The following PER2 variants were observed in gnomAD, a reference collection of about 807,000 sequenced individuals.
PER2 encodes period circadian protein homolog 2.
A neutral mutation model predicts 121.0 loss-of-function variants in PER2; 66 were observed. That is an observed-to-expected ratio of 0.55 (90% CI 0.45 to 0.67). PER2 has a LOEUF of 0.67. PER2 is among the 30% of genes least tolerant of loss of function. The pLI, the probability that PER2 is intolerant of heterozygous loss-of-function variation, is 0.00. For synonymous variants in PER2, 684 were observed against 659.9 expected (o/e 1.04, Z -0.56); for missense variants, 1,521 against 1,635.0 (o/e 0.93, Z 1.20).
At chr2:238,256,845 A>C in intron 17 of PER2, 77 bp downstream of exon 17, 4 of 1,477,070 alleles carry the variant, frequency 2.7e-6, no homozygotes, top group Non-Finnish European at 3.7e-6. Context: ...GCACTTAGAA[A>C]AATTTAAGAT....
rs867333328 is a variant in PER2, at chr2:238,252,517, G to A, written c.3111+395C>T. On this transcript the variant is annotated intron_variant, in intron 19 of 22. Coordinates refer to ENST00000254657, the MANE Select transcript of PER2 (RefSeq NM_022817.3). The surrounding 1 kb of genome is among the most constrained non-coding windows in gnomAD (Gnocchi z 4.2). ...TAGGGCTGTGTCCCCCTCCTTCTCC[G>A]CCTTCACCGGGGCCACCTGAGCCAG... is the stretch of plus-strand genomic sequence containing the variant. Among the ~76,000 whole-genome samples, 4 of 152,188 alleles carry A rather than the reference G, an allele frequency of 2.6e-5. No individual in the cohort carries two copies. The highest frequency in any genetic ancestry group is 2.1e-4 in the South Asian group (1 of 4,824).
chr2:238,282,949 A>T (rs1038213172), intron 1 of PER2, among the ~76,000 whole-genome samples: 1 of 151,940 alleles, frequency 6.6e-6, no homozygotes, highest in Admixed American at 6.6e-5. Flanking sequence ...GCTTGCAGCC[A>T]CGTGCTTCAG....
chr2:238,253,821 C>A lies in PER2; in HGVS notation c.2321-119G>T, dbSNP rs773132287. ...CCCAGGGCCTGCCTGGTCCACCGAGCGGTTTTCCCTGATCCTCAGTGAAGT... is the reference window on the plus strand; with the variant it reads ...CCCAGGGCCTGCCTGGTCCACCGAGAGGTTTTCCCTGATCCTCAGTGAAGT... On this transcript the variant is annotated intron_variant, in intron 18 of 22. Transcript: ENST00000254657. The surrounding 1 kb of genome is among the most constrained non-coding windows in gnomAD (Gnocchi z 5.6). The A allele has an allele frequency of 1.3e-6, 1 of 783,248 alleles. No homozygotes were observed. Among genetic ancestry groups the A allele is most frequent in the African/African-American group, 1.7e-5 (1 of 58,174 alleles). 48.5% of individuals were successfully genotyped at this position (783,248 alleles called of 1,614,324 possible). A position where few individuals can be genotyped will look rare whatever the true frequency, so the allele number is the denominator to read the frequency against.
chr2:238,266,457 A>C (rs957226051), intron 8 of PER2, among the ~76,000 whole-genome samples: 4 of 152,146 alleles, frequency 2.6e-5, no homozygotes, highest in Admixed American at 1.3e-4. Flanking sequence ...ACTATACTGG[A>C]GAACTTCACA....
Position 238,268,832 on chromosome 2 carries a change from G to T in PER2, c.824+91C>A. 1.1e-6 allele frequency: 1 copy of T among 922,178 alleles called. No individual in the cohort carries two copies. The highest frequency in any genetic ancestry group is 1.8e-6 in the Non-Finnish European group (1 of 553,092). The allele number at this position is 922,178 out of a possible 1,614,324, so 57.1% of individuals were successfully genotyped here. On this transcript the variant is annotated intron_variant, in intron 7 of 22. Coordinates refer to ENST00000254657, the MANE Select transcript of PER2 (RefSeq NM_022817.3). This position sits in a 1 kb window ranked among gnomAD's most constrained non-coding sequence, Gnocchi z 4.0. The stretch of plus-strand genomic sequence containing the variant: ...CAGGCGTGCTGAGTCCCTGCAGGCA[G>T]GGATCACGCCCCCCAGCCTCAAGCG...
chr2:238,283,697 G>A (rs1194576293), intron 1 of PER2, among the ~76,000 whole-genome samples: 1 of 152,222 alleles, frequency 6.6e-6, no homozygotes, highest in Non-Finnish European at 1.5e-5. Context: ...CTTCAATGGA[G>A]TTGCAGGGTT....
chr2:238,278,086 GTCTC>G (rs778225399), intron 1 of PER2, 131 bp from the exon 2 acceptor site: 61 of 935,818 alleles, frequency 6.5e-5, no homozygotes, highest in Non-Finnish European at 8.1e-5. Flanking sequence ...TCTTCTCTCT[GTCTC>G]TCTCTCTCTC....
chr2:238,267,543 G>A (rs956843492), intron 8 of PER2, among the ~76,000 whole-genome samples: 2 of 152,200 alleles, frequency 1.3e-5, no homozygotes, highest in South Asian at 4.1e-4. Context: ...GTCTGTCTGA[G>A]AGGAAGGGAA....
rs1314608723 is a variant in PER2 at position 238,251,862 on chromosome 2, G to C, written c.3112-101C>G. 4 of 888,202 alleles carry C rather than the reference G, an allele frequency of 4.5e-6. No individual in the cohort carries two copies. In the African/African-American group the frequency reaches 6.5e-5, roughly 14 times the overall value. 55.0% of individuals were successfully genotyped at this position (888,202 alleles called of 1,614,324 possible). On this transcript the variant is annotated intron_variant, in intron 19 of 22. Transcript: ENST00000254657. ...GGGGCATGAGTGGGGTGAGGGTGGA[G>C]GGGTGCTGTGGAGCGGCTGCAAGGT...
chr2:238,253,526 G>A lies in PER2; in HGVS notation c.2497C>T (p.Pro833Ser), dbSNP rs1262782208. 1 of 1,611,688 alleles carries A rather than the reference G, an allele frequency of 6.2e-7. No individual in the cohort carries two copies. Among genetic ancestry groups the A allele is most frequent in the South Asian group, 1.1e-5 (1 of 90,856 alleles). ...CAGCTGGACTGGGACGTGTCTGAGG[G>A]TGACCAGGCTGTGGCGTTCAAGCCC... The part of the protein sequence containing the change: ...LVGLNATAWS[P>S]SDTSQSSCPA... The change falls in exon 19 of 23, where the codon CCC becomes TCC. Residue 833 changes from proline (P) to serine (S), a missense_variant. Coordinates refer to ENST00000254657, the MANE Select transcript of PER2 (RefSeq NM_022817.3). This position sits in a 1 kb window ranked among gnomAD's most constrained non-coding sequence, Gnocchi z 5.6.
At chr2:238,261,893 C>A in intron 11 of PER2, 56 bp from the exon 12 acceptor site, 1 of 1,246,320 alleles carries the variant, frequency 8.0e-7, no homozygotes, top group South Asian at 1.3e-5. Flanking sequence ...ACCTCTCTGG[C>A]GTGACTGTAT....
At position 238,255,362 on chromosome 2, in the gene PER2, A is replaced by T. The variant is rs558867561; in HGVS notation, c.2320+295T>A. The T allele has an allele frequency of 7.2e-5, 36 of 498,294 alleles. No individual in the cohort carries two copies. In the South Asian group the frequency reaches 7.4e-4, roughly 10 times the overall value. 30.9% of individuals were successfully genotyped at this position (498,294 alleles called of 1,614,324 possible). On this transcript the variant is annotated intron_variant, in intron 18 of 22. Transcript: ENST00000254657. ...CCGTCCAGGTGGGGCCCCTGCCCAC[A>T]TGGTTACTCAGGCAAGAAATGTGGA...
chr2:238,259,059 T>C (rs1442307694), intron 14 of PER2, among the ~76,000 whole-genome samples: 1 of 152,192 alleles, frequency 6.6e-6, no homozygotes, highest in Non-Finnish European at 1.5e-5. Context: ...AACTGCCTGC[T>C]CACTGTGCTG....
In PER2 at chr2:238,252,283, C is replaced by G. The variant is rs1006151448; in HGVS notation, c.3112-522G>C. 2.0e-5 allele frequency among the ~76,000 whole-genome samples: 3 copies of G among 152,260 alleles called. No homozygotes were observed. Among genetic ancestry groups the G allele is most frequent in the African/African-American group, 7.2e-5 (3 of 41,478 alleles). On this transcript the variant is annotated intron_variant, in intron 19 of 22. Transcript: ENST00000254657. The surrounding 1 kb of genome is among the most constrained non-coding windows in gnomAD (Gnocchi z 4.2). The stretch of plus-strand genomic sequence containing the variant: ...CCACAGATCTACATGCTTGCACTTC[C>G]TCACCCGGGAGCCCTAGGTCCTCTG...
Position 238,253,760 on chromosome 2 carries a change from C to G in PER2, c.2321-58G>C. 7.5e-7 allele frequency: 1 copy of G among 1,340,110 alleles called. No homozygotes were observed. Among genetic ancestry groups the G allele is most frequent in the South Asian group, 1.2e-5 (1 of 80,248 alleles). The allele number at this position is 1,340,110 out of a possible 1,614,324, so 83.0% of individuals were successfully genotyped here. On this transcript the variant is annotated intron_variant, in intron 18 of 22. Coordinates refer to ENST00000254657, the MANE Select transcript of PER2 (RefSeq NM_022817.3). This position sits in a 1 kb window ranked among gnomAD's most constrained non-coding sequence, Gnocchi z 5.6. ...ATTTTAACTCCAAATTTGAAGACAC[C>G]TCTTCGTTCAACAGTCCTGGGTTTC...
At chr2:238,256,607 G>A (rs966787431) in intron 17 of PER2, among the ~76,000 whole-genome samples, 4 of 152,170 alleles carry the variant, frequency 2.6e-5, no homozygotes, top group African/African-American at 7.2e-5. Flanking sequence ...GGGAGGTGGG[G>A]CCTCGCTCCC....
At chr2:238,296,850 G>C in the PER2 span, among the ~76,000 whole-genome samples, 2 of 152,226 alleles carry the variant, frequency 1.3e-5, no homozygotes, top group Non-Finnish European at 2.9e-5. Context: ...CCGTGGAAGA[G>C]CTTGCTGGGC....
intron 11 of PER2, among the ~76,000 whole-genome samples, 170 bp downstream of exon 11, chr2:238,262,021 G>A (rs1695949250): frequency 6.6e-6 from 1 of 152,098 alleles, no homozygotes; most frequent in Admixed American, 6.5e-5. Context: ...TGGGGGCAGA[G>A]GACAGGTCAC....
In PER2 at chr2:238,277,213, A is replaced by C; in HGVS notation, c.231-20T>G. 1 of 1,575,892 alleles carries C rather than the reference A, an allele frequency of 6.3e-7. No homozygotes were observed. The highest frequency in any genetic ancestry group is 8.7e-7 in the Non-Finnish European group (1 of 1,145,100). On this transcript the variant is annotated intron_variant, in intron 2 of 22. Transcript: ENST00000254657. ...TCTGGACTATGAAAACAAAAAATAA[A>C]AGCAAAATTTAGACAATTGTATGCT... is the stretch of plus-strand genomic sequence containing the variant.
Sources: allele counts gnomAD v4.1 joint callset (sites outside exome capture counted in the v4.1 genomes callset), GRCh38; gene constraint gnomAD v4.1.1; non-coding constraint Gnocchi (gnomAD v3.1); transcripts MANE v1.5; gene names NCBI Gene and HGNC (gene_info 2026-07-23, HGNC 2026-07-21).